B3GLCT: variants seen among roughly 807,000 people sequenced by gnomAD.
The protein encoded by B3GLCT is beta 3-glucosyltransferase, also known as beta-1,3-glucosyltransferase.
In B3GLCT, 65 loss-of-function variants were observed where a neutral mutation model predicts 63.4. The ratio of observed to expected loss-of-function variants is 1.03; its 90% CI spans 0.84 to 1.26. The LOEUF is 1.26. Ranked by LOEUF, B3GLCT falls within the 50% of genes most tolerant of loss-of-function variation. The probability of loss-of-function intolerance (pLI) is 0.00; values close to 1 mark genes in which losing one functional copy is unlikely to be tolerated. For missense variants in B3GLCT, 577 were observed against 604.8 expected (o/e 0.95, Z 0.48); for synonymous variants, 233 against 219.2 (o/e 1.06, Z -0.55).
Position 31,280,813 on chromosome 13 carries a change from ACT to A in B3GLCT, c.851-3832_851-3831del, listed in dbSNP as rs1030684741. Among the ~76,000 whole-genome samples the A allele has an allele frequency of 3.9e-5, 6 of 152,222 alleles. No individual in the cohort carries two copies. The East Asian group carries it at 1.2e-3, about 29-fold the overall frequency. On this transcript the variant is annotated intron_variant, in intron 10 of 14. Transcript: ENST00000343307. Reference sequence around the variant, plus strand: ...CTTAGAACACAACAAGCAAAAATATACTCTGTCTTTTGGCTCAAGGAAGTAAT... The same window carrying A: ...CTTAGAACACAACAAGCAAAAATATACTGTCTTTTGGCTCAAGGAAGTAAT...
At chr13:31,232,275 A>G (rs1566052834) in intron 4 of B3GLCT, among the ~76,000 whole-genome samples, 1 of 152,208 alleles carries the variant, frequency 6.6e-6, no homozygotes, top group Non-Finnish European at 1.5e-5. Flanking sequence ...TGGGTCATTT[A>G]TAAAGAAAAG....
chr13:31,201,732 A>G (rs915727456), intron 1 of B3GLCT, among the ~76,000 whole-genome samples: 2 of 152,154 alleles, frequency 1.3e-5, no homozygotes, highest in Non-Finnish European at 2.9e-5. Flanking sequence ...GCACATTTGT[A>G]TTGCTGTGTC....
At chr13:31,261,808 C>T (rs899694988) in intron 7 of B3GLCT, among the ~76,000 whole-genome samples, 4 of 152,076 alleles carry the variant, frequency 2.6e-5, no homozygotes, top group Non-Finnish European at 5.9e-5. Context: ...TCTTATTAGC[C>T]CATTGTAGAT....
intron 10 of B3GLCT, among the ~76,000 whole-genome samples, chr13:31,282,758 T>C (rs576880029): frequency 1.1e-4 from 16 of 152,272 alleles, no homozygotes; most frequent in South Asian, 2.1e-4. Flanking sequence ...TCTTAGTATA[T>C]CTAAATGGTT....
Position 31,286,782 on chromosome 13 carries a change from G to A in B3GLCT, c.1027G>A (p.Ala343Thr). The A allele has an allele frequency of 6.2e-7, 1 of 1,613,222 alleles. No homozygotes were observed. ...TCTGAATCGTAGCCAGGACAAAACA[G>A]CATGGTTAGTCATTGTGGATGATGA... ...RFLNRSQDKT[A>T]WLVIVDDDTL... The change falls in exon 12 of 15, where the codon GCA (alanine) becomes ACA (threonine). Residue 343 changes from alanine to threonine, a missense_variant. Physicochemically the swap from Ala to Thr is moderately conservative, Grantham distance 58. Transcript: ENST00000343307.
At chr13:31,246,477 T>C (rs1318108621) in intron 4 of B3GLCT, among the ~76,000 whole-genome samples, 1 of 152,232 alleles carries the variant, frequency 6.6e-6, no homozygotes, top group Non-Finnish European at 1.5e-5. Flanking sequence ...AAGGATTACA[T>C]TTCTCGACCA....
chr13:31,276,605 T>C lies in B3GLCT; in HGVS notation c.781-97T>C, dbSNP rs1593291575. The C allele has an allele frequency of 3.3e-5, 26 of 792,962 alleles. No individual in the cohort carries two copies. In the South Asian group the frequency reaches 3.5e-4, roughly 11 times the overall value. 49.1% of individuals were successfully genotyped at this position (792,962 alleles called of 1,614,324 possible). ...GGAAATATGTTTGGTATCCTTGACATTGGTTAATTTGAACTCTAGAGCGTG... is the reference window on the plus strand; with the variant it reads ...GGAAATATGTTTGGTATCCTTGACACTGGTTAATTTGAACTCTAGAGCGTG... On this transcript the variant is annotated intron_variant, in intron 9 of 14. Coordinates refer to ENST00000343307, the MANE Select transcript of B3GLCT (RefSeq NM_194318.4).
intron 12 of B3GLCT, among the ~76,000 whole-genome samples, chr13:31,316,434 T>TATATATATATA (rs1566096071): frequency 1.5e-4 from 17 of 110,808 alleles, no homozygotes; most frequent in South Asian, 3.4e-4. Context: ...TATATATAAA[T>TATATATATATA]TTTTTTTTTT....
intron 14 of B3GLCT, among the ~76,000 whole-genome samples, chr13:31,327,375 A>C (rs1374578335): frequency 6.6e-6 from 1 of 152,198 alleles, no homozygotes; most frequent in Non-Finnish European, 1.5e-5. Context: ...TGTAGACAGC[A>C]TGAAGATGCT....
At chr13:31,205,564 A>G (rs1263062925) in intron 1 of B3GLCT, among the ~76,000 whole-genome samples, 1 of 151,310 alleles carries the variant, frequency 6.6e-6, no homozygotes, top group Non-Finnish European at 1.5e-5. Flanking sequence ...GTCTAAAAGA[A>G]AAAAAAAAGT....
intron 4 of B3GLCT, among the ~76,000 whole-genome samples, chr13:31,237,240 A>G (rs1349103270): frequency 6.6e-6 from 1 of 152,184 alleles, no homozygotes; most frequent in African/African-American, 2.4e-5. Flanking sequence ...AAATGAAAAT[A>G]GAGAAATAAG....
At chr13:31,234,288 G>A (rs1870534468) in intron 4 of B3GLCT, among the ~76,000 whole-genome samples, 1 of 152,134 alleles carries the variant, frequency 6.6e-6, no homozygotes, top group African/African-American at 2.4e-5. Flanking sequence ...CCAAAGTGCT[G>A]GGATTACAGG....
chr13:31,312,179 C>A (rs545151255), intron 12 of B3GLCT, among the ~76,000 whole-genome samples: 3 of 152,282 alleles, frequency 2.0e-5, no homozygotes, highest in Middle Eastern at 3.4e-3. Flanking sequence ...GCCACAGAGT[C>A]CTATGGTGAG....
At chr13:31,274,407 C>A in intron 8 of B3GLCT, 102 bp from the exon 9 acceptor site, 4 of 1,469,278 alleles carry the variant, frequency 2.7e-6, no homozygotes, top group Non-Finnish European at 3.8e-6. Context: ...AGCCTACTCT[C>A]TATGGAAGAT....
chr13:31,208,629 C>CG (rs1373638733), intron 1 of B3GLCT, among the ~76,000 whole-genome samples: 18 of 138,430 alleles, frequency 1.3e-4, no homozygotes, highest in Non-Finnish European at 2.4e-4. Context: ...GCCCCCCCCC[C>CG]CCGCTCACTG....
chr13:31,324,596 A>G (rs1875512069), intron 14 of B3GLCT, among the ~76,000 whole-genome samples: 1 of 152,254 alleles, frequency 6.6e-6, no homozygotes, highest in Non-Finnish European at 1.5e-5. Context: ...AAAAATAACC[A>G]TAGATCCATA....
chr13:31,258,201 A>G (rs2137825552), intron 6 of B3GLCT, among the ~76,000 whole-genome samples: 1 of 152,310 alleles, frequency 6.6e-6, no homozygotes, highest in Non-Finnish European at 1.5e-5. Flanking sequence ...TGCTTATCTA[A>G]TAGGAACCTA....
intron 13 of B3GLCT, among the ~76,000 whole-genome samples, chr13:31,319,579 G>T (rs1467090507): frequency 2.0e-4 from 30 of 152,046 alleles, no homozygotes; most frequent in Admixed American, 2.0e-3. Flanking sequence ...CCTTCTTTCT[G>T]GTCATTCCTT....
intron 8 of B3GLCT, 114 bp downstream of exon 8, chr13:31,269,391 C>T (rs1471320686): frequency 4.2e-6 from 3 of 713,174 alleles, no homozygotes; most frequent in Admixed American, 4.5e-5. Context: ...CATCTACTCC[C>T]CACAGAGATA....
Sources: allele counts gnomAD v4.1 joint callset (sites outside exome capture counted in the v4.1 genomes callset), GRCh38; gene constraint gnomAD v4.1.1; transcripts MANE v1.5; gene names NCBI Gene and HGNC (gene_info 2026-07-23, HGNC 2026-07-21).